The following LUZP2 variants were observed in gnomAD, a reference collection of about 807,000 sequenced individuals.
The protein encoded by LUZP2 is leucine zipper protein 2.
LUZP2 carries 52 observed loss-of-function variants against 51.6 expected under a neutral mutation model. The observed-to-expected ratio is 1.01, with a 90% CI of 0.81 to 1.27. The LOEUF (loss-of-function observed/expected upper bound fraction) is 1.27, where lower values mean the gene tolerates loss of function less well. LUZP2 is among the 50% of genes most tolerant of loss of function. LUZP2 has a pLI of 0.00. For synonymous variants in LUZP2, 154 were observed against 137.3 expected (o/e 1.12, Z -0.85); for missense variants, 436 against 395.4 (o/e 1.10, Z -0.87).
At chr11:24,625,332 T>C (rs576447290) in intron 1 of LUZP2, among the ~76,000 whole-genome samples, 40 of 129,816 alleles carry the variant, frequency 3.1e-4, no homozygotes, top group African/African-American at 1.3e-3. Context: ...AGAGATTTTA[T>C]GTGTTCTCAT....
intron 5 of LUZP2, among the ~76,000 whole-genome samples, chr11:24,817,119 A>G (rs946454663): frequency 1.3e-5 from 2 of 152,050 alleles, no homozygotes; most frequent in Non-Finnish European, 2.9e-5. Context: ...ATTATTAACA[A>G]TGCTCCTCTG....
chr11:24,918,519 T>C (rs1465218278), intron 7 of LUZP2, among the ~76,000 whole-genome samples: 4 of 151,912 alleles, frequency 2.6e-5, no homozygotes, highest in Admixed American at 1.3e-4. Context: ...CAGTGCTTCA[T>C]GCTAAAAACT....
At chr11:24,899,236 T>G (rs375894068) in intron 5 of LUZP2, among the ~76,000 whole-genome samples, 1 of 152,140 alleles carries the variant, frequency 6.6e-6, no homozygotes, top group Admixed American at 6.5e-5. Flanking sequence ...GGTTCGCTCA[T>G]CTTCAGATTT....
chr11:24,976,679 C>T lies in LUZP2; in HGVS notation c.597+14C>T, dbSNP rs751361618. ...GCTCTTGACAGGGTAAGTCTACATT[C>T]ATGAACCATTACAACTGTAGTTTTA... On this transcript the variant is annotated intron_variant, in intron 8 of 11. Coordinates refer to ENST00000336930, the MANE Select transcript of LUZP2 (RefSeq NM_001009909.4). 8 of 960,932 alleles carry T rather than the reference C, an allele frequency of 8.3e-6. No individual in the cohort carries two copies. Among genetic ancestry groups the T allele is most frequent in the Non-Finnish European group, 1.2e-5 (8 of 678,358 alleles). The allele number at this position is 960,932 out of a possible 1,614,324, so 59.5% of individuals were successfully genotyped here. A position where few individuals can be genotyped will look rare whatever the true frequency, so the allele number is the denominator to read the frequency against.
intron 9 of LUZP2, among the ~76,000 whole-genome samples, chr11:25,040,427 A>G (rs1315728840): frequency 1.4e-5 from 2 of 147,716 alleles, no homozygotes; most frequent in Non-Finnish European, 2.9e-5. Context: ...AGGGAACTCA[A>G]GGTGAACAGT....
At chr11:24,965,224 T>C (rs533360952) in intron 7 of LUZP2, among the ~76,000 whole-genome samples, 1 of 150,004 alleles carries the variant, frequency 6.7e-6, no homozygotes, top group South Asian at 2.1e-4. Context: ...CATTTTTCTT[T>C]GTTATCAATT....
intron 1 of LUZP2, among the ~76,000 whole-genome samples, chr11:24,617,635 A>G (rs1854332864): frequency 6.6e-6 from 1 of 152,112 alleles, no homozygotes; most frequent in Non-Finnish European, 1.5e-5. Flanking sequence ...AGCCTGGGCA[A>G]CACAGTGAAA....
At chr11:24,708,400 A>C (rs549643581) in intron 1 of LUZP2, among the ~76,000 whole-genome samples, 1 of 152,232 alleles carries the variant, frequency 6.6e-6, no homozygotes, top group African/African-American at 2.4e-5. Flanking sequence ...AAATAACCTC[A>C]TTTATCAAAA....
intron 9 of LUZP2, among the ~76,000 whole-genome samples, chr11:24,993,712 T>C (rs1351466220): frequency 1.3e-5 from 2 of 152,228 alleles, no homozygotes. Context: ...TTTCAAATTA[T>C]TATATTTTAT....
At chr11:24,930,775 G>A (rs1854421623) in intron 7 of LUZP2, among the ~76,000 whole-genome samples, 1 of 152,162 alleles carries the variant, frequency 6.6e-6, no homozygotes, top group Non-Finnish European at 1.5e-5. Flanking sequence ...TAGATCTCTA[G>A]TAAGGTTGGG....
intron 9 of LUZP2, among the ~76,000 whole-genome samples, chr11:25,000,252 C>A (rs1856642838): frequency 1.3e-5 from 2 of 152,164 alleles, no homozygotes; most frequent in South Asian, 4.1e-4. Flanking sequence ...CAAGTCCCCA[C>A]CTGACCCAGA....
intron 5 of LUZP2, among the ~76,000 whole-genome samples, chr11:24,846,371 A>T (rs1334337586): frequency 6.6e-6 from 1 of 152,062 alleles, no homozygotes; most frequent in Non-Finnish European, 1.5e-5. Context: ...AGAACTAAAA[A>T]ATTTTGAAAA....
intron 4 of LUZP2, among the ~76,000 whole-genome samples, chr11:24,748,443 G>GTGTCTATTC (rs1334000791): frequency 1.3e-5 from 2 of 151,544 alleles, no homozygotes; most frequent in East Asian, 3.9e-4. Context: ...TTTAGAGGGT[G>GTGTCTATTC]TGTCTATTCT....
At chr11:24,892,595 T>A (rs1181867493) in intron 5 of LUZP2, 3 of 331,796 alleles carry the variant, frequency 9.0e-6, no homozygotes, top group Non-Finnish European at 1.3e-5. Context: ...CAAGTGCTAA[T>A]CTCTTGAATG....
chr11:24,569,092 AAC>A (rs3077984), intron 1 of LUZP2, among the ~76,000 whole-genome samples: 61,024 of 151,610 alleles, frequency 0.4, 12,703 homozygotes, highest in Middle Eastern at 0.49. Flanking sequence ...ATAAAAATAA[AAC>A]AGTTAAATGT....
At chr11:24,649,152 A>AT (rs1431264059) in intron 1 of LUZP2, among the ~76,000 whole-genome samples, 5 of 151,906 alleles carry the variant, frequency 3.3e-5, no homozygotes, top group African/African-American at 1.2e-4. Context: ...ATAGACTTCC[A>AT]TTTTTTGGGC....
intron 1 of LUZP2, among the ~76,000 whole-genome samples, chr11:24,610,345 G>A (rs1854078579): frequency 1.3e-5 from 2 of 152,100 alleles, no homozygotes. Context: ...AACAGAAAAG[G>A]GTAACTTATG....
chr11:24,505,062 C>T (rs941958888), intron 1 of LUZP2, among the ~76,000 whole-genome samples: 42 of 152,096 alleles, frequency 2.8e-4, no homozygotes, highest in Admixed American at 2.0e-3. Context: ...GGCAGTGACT[C>T]GCTGTCTTCC....
intron 5 of LUZP2, among the ~76,000 whole-genome samples, chr11:24,833,259 AT>A (rs1246894693): frequency 1.3e-5 from 2 of 152,168 alleles, no homozygotes; most frequent in African/African-American, 4.8e-5. Context: ...CTCTGTAACA[AT>A]TTTTCAAATT....
Sources: gnomAD v4.1 joint callset for allele counts (sites outside exome capture counted in the v4.1 genomes callset) on GRCh38, gnomAD v4.1.1 for gene constraint, MANE v1.5 for transcripts, NCBI Gene and HGNC (gene_info 2026-07-23, HGNC 2026-07-21) for gene names.